The following PXDNL variants were observed in gnomAD, a reference collection of about 807,000 sequenced individuals.
The protein encoded by PXDNL is peroxidasin like.
A neutral mutation model predicts 150.8 loss-of-function variants in PXDNL; 145 were observed. The observed-to-expected ratio is 0.96, with a 90% CI of 0.84 to 1.10. The LOEUF is 1.10. PXDNL is among the 50% of genes least tolerant of loss of function. PXDNL has a pLI of 0.00. For missense variants in PXDNL, 2,087 were observed against 1,873.9 expected (o/e 1.11, Z -2.10); for synonymous variants, 757 against 725.7 (o/e 1.04, Z -0.69).
At chr8:51,429,801 GA>G (rs1242304894) in intron 12 of PXDNL, among the ~76,000 whole-genome samples, 4 of 147,658 alleles carry the variant, frequency 2.7e-5, no homozygotes, top group Non-Finnish European at 3.0e-5. Flanking sequence ...CTGTATTTCT[GA>G]AAAAAATTAT....
intron 2 of PXDNL, among the ~76,000 whole-genome samples, chr8:51,646,733 A>G (rs544519295): frequency 2.0e-5 from 3 of 152,120 alleles, no homozygotes; most frequent in Non-Finnish European, 4.4e-5. Flanking sequence ...GAGGTGTCAG[A>G]TCAAAGGAAG....
In PXDNL at chr8:51,448,988, A is replaced by G. The variant is rs185043863; in HGVS notation, c.1366+14T>C. ...CTTATTTTTCCCCACAATTACCTGC[A>G]GATGTTCTAATACCTGTTTTTGTCC... On this transcript the variant is annotated intron_variant, in intron 11 of 22. Coordinates refer to ENST00000356297, the MANE Select transcript of PXDNL (RefSeq NM_144651.5). 4.2e-4 allele frequency: 568 copies of G among 1,346,180 alleles called. 2 individuals carry two copies. Among genetic ancestry groups the G allele is most frequent in the Non-Finnish European group, 5.6e-4 (533 of 959,572 alleles). 83.4% of individuals were successfully genotyped at this position (1,346,180 alleles called of 1,614,324 possible).
At chr8:51,566,133 C>A (rs1245555011) in intron 3 of PXDNL, among the ~76,000 whole-genome samples, 1 of 151,722 alleles carries the variant, frequency 6.6e-6, no homozygotes, top group African/African-American at 2.4e-5. Flanking sequence ...GTTGAACCAC[C>A]TTTGTATACC....
At chr8:51,676,167 ACCT>A in intron 1 of PXDNL, among the ~76,000 whole-genome samples, 1 of 151,806 alleles carries the variant, frequency 6.6e-6, no homozygotes, top group African/African-American at 2.4e-5. Context: ...TGTTATCTTT[ACCT>A]CCTAAGAATG....
At chr8:51,513,881 G>A (rs1020857484) in intron 4 of PXDNL, among the ~76,000 whole-genome samples, 4 of 152,234 alleles carry the variant, frequency 2.6e-5, no homozygotes, top group African/African-American at 9.6e-5. Context: ...AGATGTAGAC[G>A]TAGTTGATTG....
chr8:51,442,726 G>A (rs1171106789), intron 12 of PXDNL, among the ~76,000 whole-genome samples: 4 of 151,802 alleles, frequency 2.6e-5, no homozygotes, highest in Non-Finnish European at 5.9e-5. Flanking sequence ...TACCACTAAT[G>A]TTTTTAATGT....
rs191775962 is a variant in PXDNL at position 51,683,891 on chromosome 8, G to A, written c.165-29131C>T. Among the ~76,000 whole-genome samples the A allele has an allele frequency of 1.1e-4, 16 of 152,200 alleles. No homozygotes were observed. The East Asian group carries it at 2.9e-3, about 28-fold the overall frequency. ...AAGGTTCACTTTCCTCTTCCCCTTC[G>A]AATATATTGTTCTTACCTTAAGTGT... On this transcript the variant is annotated intron_variant, in intron 1 of 22. Coordinates refer to ENST00000356297, the MANE Select transcript of PXDNL (RefSeq NM_144651.5).
At chr8:51,352,252 A>G (rs1020906703) in intron 19 of PXDNL, among the ~76,000 whole-genome samples, 42 of 152,234 alleles carry the variant, frequency 2.8e-4, no homozygotes, top group African/African-American at 9.9e-4. Context: ...ATTTACCAAA[A>G]GGAAAAGAAA....
At chr8:51,410,953 G>A (rs890129934) in intron 16 of PXDNL, among the ~76,000 whole-genome samples, 1 of 152,138 alleles carries the variant, frequency 6.6e-6, no homozygotes, top group African/African-American at 2.4e-5. Context: ...TTCTCTATAA[G>A]ACACAATAAT....
Position 51,699,931 on chromosome 8 carries a change from A to G in PXDNL, c.165-45171T>C, listed in dbSNP as rs543137985. On this transcript the variant is annotated intron_variant, in intron 1 of 22. Coordinates refer to ENST00000356297, the MANE Select transcript of PXDNL (RefSeq NM_144651.5). ...ACCCTAAAACAACTACAATAGCCGC[A>G]TCAAAGACCACTGACCACAGACCAC... Among the ~76,000 whole-genome samples the G allele has an allele frequency of 1.5e-3, 235 of 152,312 alleles. 1 individual carries two copies. Among genetic ancestry groups the G allele is most frequent in the African/African-American group, 5.5e-3 (227 of 41,578 alleles).
At chr8:51,655,487 A>G (rs1055178281) in intron 1 of PXDNL, among the ~76,000 whole-genome samples, 2 of 152,190 alleles carry the variant, frequency 1.3e-5, no homozygotes, top group Non-Finnish European at 2.9e-5. Flanking sequence ...TTGTGATACA[A>G]CAGAGGATCA....
intron 15 of PXDNL, among the ~76,000 whole-genome samples, chr8:51,411,748 C>T (rs1047315206): frequency 2.6e-5 from 4 of 152,070 alleles, no homozygotes; most frequent in Non-Finnish European, 4.4e-5. Flanking sequence ...TTCTGAAGTA[C>T]TATGCAATAC....
intron 21 of PXDNL, among the ~76,000 whole-genome samples, chr8:51,339,162 A>G (rs1805916713): frequency 6.6e-6 from 1 of 152,140 alleles, no homozygotes; most frequent in Admixed American, 6.5e-5. Context: ...CTCACTTCTT[A>G]TTACAATACT....
chr8:51,369,237 C>T (rs1485492769), intron 19 of PXDNL, among the ~76,000 whole-genome samples: 2 of 152,152 alleles, frequency 1.3e-5, no homozygotes, highest in Non-Finnish European at 2.9e-5. Flanking sequence ...AATACCAGCA[C>T]TTCTCAACTG....
rs1023589935 is a variant in PXDNL, at chr8:51,505,404, G to T, written c.381-5634C>A. Among the ~76,000 whole-genome samples, 2 of 152,154 alleles carry T rather than the reference G, an allele frequency of 1.3e-5. 1 individual carries two copies. The highest frequency in any genetic ancestry group is 6.3e-3 in the Middle Eastern group (2 of 316). On this transcript the variant is annotated intron_variant, in intron 4 of 22. Transcript: ENST00000356297. ...CACATAAAAACAAATGTTCTGTGCC[G>T]TATGATCACCTTGGCAACCCCGATC...
chr8:51,510,980 G>C (rs2130344094), intron 4 of PXDNL, among the ~76,000 whole-genome samples: 1 of 152,324 alleles, frequency 6.6e-6, no homozygotes, highest in Middle Eastern at 3.4e-3. Flanking sequence ...AACAGATCAA[G>C]GGATGTGTTA....
chr8:51,486,790 ATATATTTTTTTTTTTTTT>A (rs1234741381), intron 5 of PXDNL, among the ~76,000 whole-genome samples: 7 of 23,964 alleles, frequency 2.9e-4, no homozygotes, highest in African/African-American at 7.0e-4. Flanking sequence ...ATATATATAT[ATATATTTTTTTTTTTTTT>A]TTTTTTTTTT....
At chr8:51,549,751 T>A (rs60077137) in intron 4 of PXDNL, among the ~76,000 whole-genome samples, 3,975 of 151,690 alleles carry the variant, frequency 0.026, 97 homozygotes, top group African/African-American at 0.061. Context: ...AAACAGACAA[T>A]CTAGGCTCAC....
rs10695692 is a variant in PXDNL, at chr8:51,778,279, C to CAAA, written c.164+30899_164+30901dup. 1.7e-3 allele frequency among the ~76,000 whole-genome samples: 257 copies of CAAA among 150,244 alleles called. 1 individual carries two copies. Among genetic ancestry groups the CAAA allele is most frequent in the Non-Finnish European group, 2.7e-3 (179 of 67,538 alleles). On this transcript the variant is annotated intron_variant, in intron 1 of 22. Transcript: ENST00000356297. The stretch of plus-strand genomic sequence containing the variant: ...TGGGTGACAGAGCAAGAATCTGTCT[C>CAAA]AAAAAAAAAATCAATAAATTAATAA...
Sources: allele counts gnomAD v4.1 joint callset (sites outside exome capture counted in the v4.1 genomes callset), GRCh38; gene constraint gnomAD v4.1.1; transcripts MANE v1.5; gene names NCBI Gene and HGNC (gene_info 2026-07-23, HGNC 2026-07-21).